The following SLC38A8 variants were observed in gnomAD, a reference collection of about 807,000 sequenced individuals.
SLC38A8 encodes the protein solute carrier family 38 member 8, also known as amino acid transporter SLC38A8.
A neutral mutation model predicts 46.0 loss-of-function variants in SLC38A8; 65 were observed. That is an observed-to-expected ratio of 1.41 (90% CI 1.16 to 1.74). SLC38A8 has a LOEUF of 1.74. SLC38A8 is among the 40% of genes most tolerant of loss of function. The pLI, the probability that SLC38A8 is intolerant of heterozygous loss-of-function variation, is 0.00. For missense variants in SLC38A8, 998 were observed against 567.9 expected, an observed-to-expected ratio of 1.76 and a Z score of -7.70; for synonymous variants, 447 against 243.7, an observed-to-expected ratio of 1.83 and a Z score of -7.77.
At chr16:84,031,291 T>C (rs1401721520) in intron 5 of SLC38A8, among the ~76,000 whole-genome samples, 1 of 152,190 alleles carries the variant, frequency 6.6e-6, no homozygotes, top group Admixed American at 6.5e-5. Context: ...TCCACCTGCC[T>C]CAGCCTCCCA....
intron 7 of SLC38A8, among the ~76,000 whole-genome samples, chr16:84,021,930 C>T (rs1233228881): frequency 2.6e-5 from 4 of 152,146 alleles, no homozygotes; most frequent in Non-Finnish European, 4.4e-5. Flanking sequence ...AGTGTGTGAG[C>T]CCAGGTCTCT....
intron 9 of SLC38A8, among the ~76,000 whole-genome samples, chr16:84,014,242 A>G (rs1014374924): frequency 6.7e-6 from 1 of 148,616 alleles, no homozygotes; most frequent in South Asian, 2.2e-4. Context: ...GCTCCACCCT[A>G]AGCCCGAGGG....
At position 84,038,637 on chromosome 16, in the gene SLC38A8, G is replaced by A. The variant is rs113395263; in HGVS notation, c.190-1737C>T. Among the ~76,000 whole-genome samples, 812 of 152,306 alleles carry A rather than the reference G, an allele frequency of 5.3e-3. 4 individuals carry two copies. Among genetic ancestry groups the A allele is most frequent in the Non-Finnish European group, 8.9e-3 (604 of 68,022 alleles). ...CAAAGTCTTAAGTGTATTGCTGGAA[G>A]ATGTACAATGCACATGTGCCAGCCA... On this transcript the variant is annotated intron_variant, in intron 2 of 10. Transcript: ENST00000299709.
intron 2 of SLC38A8, among the ~76,000 whole-genome samples, chr16:84,039,641 G>C (rs1247455830): frequency 6.6e-6 from 1 of 151,822 alleles, no homozygotes; most frequent in Non-Finnish European, 1.5e-5. Context: ...AGCTACTTGG[G>C]AGGAGGCTGG....
At chr16:84,026,141 A>T (rs1029098112) in intron 6 of SLC38A8, among the ~76,000 whole-genome samples, 1 of 152,242 alleles carries the variant, frequency 6.6e-6, no homozygotes. Context: ...ATATAAGGGA[A>T]AAGACAGTTA....
chr16:84,035,369 C>CTT (rs1309965369), intron 3 of SLC38A8, among the ~76,000 whole-genome samples: 2 of 152,164 alleles, frequency 1.3e-5, no homozygotes, highest in East Asian at 3.8e-4. Context: ...AGTCAGGGGC[C>CTT]TTTTGCTTCA....
At chr16:84,021,582 T>C (rs1164328013) in intron 7 of SLC38A8, among the ~76,000 whole-genome samples, 1 of 152,302 alleles carries the variant, frequency 6.6e-6, no homozygotes, top group East Asian at 1.9e-4. Flanking sequence ...CCTAGTCTTG[T>C]CTCTAAGCCC....
chr16:84,030,078 G>A (rs941835506), intron 5 of SLC38A8, among the ~76,000 whole-genome samples: 1 of 152,228 alleles, frequency 6.6e-6, no homozygotes, highest in African/African-American at 2.4e-5. Context: ...AAGTCATGGT[G>A]GATTAGGGTG....
At chr16:84,016,205 A>G (rs2085022900) in intron 9 of SLC38A8, among the ~76,000 whole-genome samples, 1 of 152,240 alleles carries the variant, frequency 6.6e-6, no homozygotes, top group African/African-American at 2.4e-5. Flanking sequence ...AATGGGTGGA[A>G]CCATCCCCAT....
In SLC38A8 at chr16:84,033,504, T is replaced by G. The variant is rs912751022; in HGVS notation, c.389-35A>C. The G allele has an allele frequency of 2.6e-6, 4 of 1,543,816 alleles. No homozygotes were observed. In the African/African-American group the frequency reaches 5.5e-5, roughly 21 times the overall value. On this transcript the variant is annotated intron_variant, in intron 3 of 10. Coordinates refer to ENST00000299709, the MANE Select transcript of SLC38A8 (RefSeq NM_001080442.3). Reference sequence around the variant, plus strand: ...ACACGGGGAGAGCTGAGCCACAGAGTACAAATGCCGTGGGTTCTCGGCTCC... The same window carrying G: ...ACACGGGGAGAGCTGAGCCACAGAGGACAAATGCCGTGGGTTCTCGGCTCC...
chr16:84,016,537 A>G lies in SLC38A8; in HGVS notation c.1144T>C (p.Phe382Leu). Reference sequence around the variant, plus strand: ...GCCTCACCTGGGAAGATGAAGATGAAGAAGGAACTGATGCCTCCGATGATG... The same window carrying G: ...GCCTCACCTGGGAAGATGAAGATGAGGAAGGAACTGATGCCTCCGATGATG... ...VSIIGGISSF[F>L]IFIFPGLCLI... Residue 382 changes from phenylalanine to leucine, a missense_variant, in exon 9 of 11, where the codon TTC (phenylalanine) becomes CTC (leucine). Phe to Leu is a conservative substitution (Grantham distance 22). Transcript: ENST00000299709. The G allele has an allele frequency of 6.2e-7, 1 of 1,614,036 alleles. No individual in the cohort carries two copies. Among genetic ancestry groups the G allele is most frequent in the Non-Finnish European group, 8.5e-7 (1 of 1,179,958 alleles).
At chr16:84,027,933 C>A (rs1259419989) in intron 6 of SLC38A8, among the ~76,000 whole-genome samples, 1 of 152,098 alleles carries the variant, frequency 6.6e-6, no homozygotes, top group Admixed American at 6.5e-5. Context: ...TCAGATCTTT[C>A]AAAATATTGG....
intron 6 of SLC38A8, among the ~76,000 whole-genome samples, chr16:84,025,472 C>T (rs72799227): frequency 0.075 from 11,468 of 152,190 alleles, 707 homozygotes; most frequent in East Asian, 0.24. Flanking sequence ...TCAACACGAG[C>T]GGGCTTTTCG....
rs374712762 is a variant in SLC38A8, at chr16:84,018,869, G to A, written c.806-1582C>T. On this transcript the variant is annotated intron_variant, in intron 7 of 10. Transcript: ENST00000299709. ...CTAGGGGAGTCACTAGGAGATATATGGGGTGGGTATAAAACTAGCAGAAGC... is the reference window on the plus strand; with the variant it reads ...CTAGGGGAGTCACTAGGAGATATATAGGGTGGGTATAAAACTAGCAGAAGC... Among the ~76,000 whole-genome samples the A allele has an allele frequency of 3.3e-5, 5 of 152,256 alleles. No individual in the cohort carries two copies. The East Asian group carries it at 9.7e-4, about 29-fold the overall frequency.
intron 5 of SLC38A8, among the ~76,000 whole-genome samples, chr16:84,030,242 T>G (rs2085222164): frequency 6.6e-6 from 1 of 152,126 alleles, no homozygotes; most frequent in South Asian, 2.1e-4. Context: ...AGGAAAGATC[T>G]GCCCCTGGAG....
Position 84,029,999 on chromosome 16 carries a change from T to C in SLC38A8, c.633-448A>G, listed in dbSNP as rs114856676. 4.1e-3 allele frequency among the ~76,000 whole-genome samples: 623 copies of C among 152,304 alleles called. 10 individuals are homozygous for C. Among genetic ancestry groups the C allele is most frequent in the African/African-American group, 0.014 (578 of 41,570 alleles). ...GGGGAGAACCTCCAGGTCCAGCCTC[T>C]TGGGATCCCCGCCTGGTTCACAGCT... is the stretch of plus-strand genomic sequence containing the variant. On this transcript the variant is annotated intron_variant, in intron 5 of 10. Transcript: ENST00000299709.
At chr16:84,037,343 G>C (rs1330383581) in intron 2 of SLC38A8, among the ~76,000 whole-genome samples, 1 of 152,236 alleles carries the variant, frequency 6.6e-6, no homozygotes, top group Non-Finnish European at 1.5e-5. Flanking sequence ...GAAGCAGGAT[G>C]GCAACCTCTG....
intron 2 of SLC38A8, among the ~76,000 whole-genome samples, chr16:84,037,857 G>A (rs922760491): frequency 2.9e-5 from 4 of 139,488 alleles, no homozygotes; most frequent in African/African-American, 5.6e-5. Context: ...CACCCAGGCT[G>A]GAGTGCCATG....
At chr16:84,029,066 T>C (rs1194171072) in intron 6 of SLC38A8, among the ~76,000 whole-genome samples, 1 of 152,070 alleles carries the variant, frequency 6.6e-6, no homozygotes, top group Non-Finnish European at 1.5e-5. Context: ...GCAGGATCTT[T>C]CCTGCCCAAG....
Sources: allele counts gnomAD v4.1 joint callset (sites outside exome capture counted in the v4.1 genomes callset), GRCh38; gene constraint gnomAD v4.1.1; transcripts MANE v1.5; gene names NCBI Gene and HGNC (gene_info 2026-07-23, HGNC 2026-07-21).